The following KIF21B variants were observed in gnomAD, a reference collection of about 807,000 sequenced individuals.
KIF21B encodes kinesin-like protein KIF21B.
KIF21B carries 85 observed loss-of-function variants against 192.9 expected under a neutral mutation model. That is an observed-to-expected ratio of 0.44 (90% CI 0.37 to 0.53). KIF21B has a LOEUF of 0.53. Among genes scored for constraint, KIF21B ranks in the 20% least tolerant of loss-of-function variants. The pLI, the probability that KIF21B is intolerant of heterozygous loss-of-function variation, is 0.00. For synonymous variants in KIF21B, 832 were observed against 884.6 expected, an observed-to-expected ratio of 0.94 and a Z score of 1.05; for missense variants, 1,716 against 2,194.8, an observed-to-expected ratio of 0.78 and a Z score of 4.36.
At position 200,998,553 on chromosome 1, in the gene KIF21B, C is replaced by A; in HGVS notation, c.1908G>T (p.Leu636=). The part of the protein sequence containing the change: ...EEKEVNFQAD[L]ADLTCEIEIK... The stretch of plus-strand genomic sequence containing the variant: ...TTTCGATCTCACAAGTCAGGTCGGC[C>A]AGGTCCGCCTGGAAGTTCACCTCTA... Residue 636 remains leucine, a synonymous_variant, in exon 14 of 35, where the codon CTG becomes CTT. Transcript: ENST00000461742. The surrounding 1 kb of genome is among the most constrained non-coding windows in gnomAD (Gnocchi z 4.3). The A allele has an allele frequency of 1.9e-6, 3 of 1,613,722 alleles. No homozygotes were observed. Among genetic ancestry groups the A allele is most frequent in the Non-Finnish European group, 2.5e-6 (3 of 1,179,988 alleles).
Position 200,986,905 on chromosome 1 carries a change from G to A in KIF21B, c.3628C>T (p.Arg1210Ter). ...GTCAGCGGGGACGTCTCTGTGGCTC[G>A]AGATTGCCTAGGGCTACAACAGAAG... ...TRGSTFPRQS[R>*]ATETSPLTRR... The change falls in exon 26 of 35, where the codon CGA (arginine) becomes TGA (stop). Residue 1210 changes from arginine (R) to a stop codon, truncating the protein, a stop_gained. Transcript: ENST00000461742. LOFTEE classifies it high-confidence loss of function. 5 of 1,613,762 alleles carry A rather than the reference G, an allele frequency of 3.1e-6. No individual in the cohort carries two copies. Among genetic ancestry groups the A allele is most frequent in the Non-Finnish European group, 4.2e-6 (5 of 1,179,826 alleles).
chr1:201,013,831 C>T (rs904121246), intron 1 of KIF21B, among the ~76,000 whole-genome samples: 1 of 152,210 alleles, frequency 6.6e-6, no homozygotes, highest in African/African-American at 2.4e-5. Context: ...AATTGTGGCC[C>T]ACGGGCCAGC....
At position 200,971,874 on chromosome 1, in the gene KIF21B, G is replaced by C. The variant is rs976034743; in HGVS notation, c.*1647C>G. 2.0e-5 allele frequency: 3 copies of C among 152,466 alleles called. No homozygotes were observed. The highest frequency in any genetic ancestry group is 7.2e-5 in the African/African-American group (3 of 41,450). The allele number at this position is 152,466 out of a possible 1,614,324, so 9.4% of individuals were successfully genotyped here. A position where few individuals can be genotyped will look rare whatever the true frequency, so the allele number is the denominator to read the frequency against. On this transcript the variant is annotated 3_prime_UTR_variant, in exon 35 of 35. Transcript: ENST00000461742. Reference sequence around the variant, plus strand: ...CCCAACACTGGGCGCCACATGGAGAGGGCTCCAAGTGCCCCAGCCCAAGAC... The same window carrying C: ...CCCAACACTGGGCGCCACATGGAGACGGCTCCAAGTGCCCCAGCCCAAGAC...
intron 14 of KIF21B, among the ~76,000 whole-genome samples, chr1:200,997,466 C>A (rs1156787778): frequency 6.6e-6 from 1 of 152,188 alleles, no homozygotes; most frequent in Non-Finnish European, 1.5e-5. Context: ...CCAATTCGGC[C>A]AGGCACGGTG....
rs1227996568 is a variant in KIF21B at position 200,972,093 on chromosome 1, C to G, written c.*1428G>C. The G allele has an allele frequency of 6.6e-6, 1 of 150,924 alleles. No individual in the cohort carries two copies. Among genetic ancestry groups the G allele is most frequent in the African/African-American group, 2.4e-5 (1 of 41,120 alleles). The allele number at this position is 150,924 out of a possible 1,614,324, so 9.3% of individuals were successfully genotyped here. On this transcript the variant is annotated 3_prime_UTR_variant, in exon 35 of 35. Transcript: ENST00000461742. ...CGGGGGAGAGGGATGGAGCTCAGTCCCCCCCAAGGCCCACTCCTGTAATTC... is the reference window on the plus strand; with the variant it reads ...CGGGGGAGAGGGATGGAGCTCAGTCGCCCCCAAGGCCCACTCCTGTAATTC...
chr1:200,973,641 C>T, intron 34 of KIF21B, 63 bp from the exon 35 acceptor site: 3 of 1,517,912 alleles, frequency 2.0e-6, no homozygotes, highest in Non-Finnish European at 2.6e-6. Flanking sequence ...GGCTGGCTGC[C>T]CCCAAAAGTA....
In KIF21B at chr1:200,999,565, T is replaced by TGGGG; in HGVS notation, c.1768-103_1768-100dup. ...CAATGCCTCAGGTGTGTCAGGAGGG[T>TGGGG]GGGGATTGGGGCAGGCCACAGCTGA... is the stretch of plus-strand genomic sequence containing the variant. On this transcript the variant is annotated intron_variant, in intron 12 of 34. Transcript: ENST00000461742. The surrounding 1 kb of genome is among the most constrained non-coding windows in gnomAD (Gnocchi z 4.7). 6.4e-7 allele frequency: 1 copy of TGGGG among 1,551,046 alleles called. No individual in the cohort carries two copies. The highest frequency in any genetic ancestry group is 8.7e-7 in the Non-Finnish European group (1 of 1,150,858).
chr1:201,005,063 C>T (rs1657724724), intron 5 of KIF21B, 130 bp from the exon 6 acceptor site: 6 of 1,106,626 alleles, frequency 5.4e-6, no homozygotes, highest in Middle Eastern at 5.7e-4. Flanking sequence ...TGCAGAGCAT[C>T]TGACAATGTG....
intron 30 of KIF21B, 51 bp downstream of exon 30, chr1:200,979,484 C>G: frequency 6.9e-7 from 1 of 1,445,558 alleles, no homozygotes; most frequent in African/African-American, 1.4e-5. Context: ...CATCTGTACC[C>G]AACACAGCCT....
chr1:200,979,225 C>T (rs1486903294), intron 30 of KIF21B, among the ~76,000 whole-genome samples: 2 of 152,102 alleles, frequency 1.3e-5, no homozygotes, highest in African/African-American at 4.8e-5. Flanking sequence ...ACCCTGTTTC[C>T]TAGCTCCTCT....
chr1:201,004,677 G>A, intron 6 of KIF21B, 89 bp downstream of exon 6: 7 of 1,494,538 alleles, frequency 4.7e-6, no homozygotes, highest in Non-Finnish European at 6.5e-6. Flanking sequence ...GTCCAAGGAG[G>A]ACTCAGCAGG....
chr1:200,975,002 C>T lies in KIF21B; in HGVS notation c.4615-89G>A. On this transcript the variant is annotated intron_variant, in intron 33 of 34. Transcript: ENST00000461742. The surrounding 1 kb of genome is among the most constrained non-coding windows in gnomAD (Gnocchi z 4.3). ...GCCCCTCTTGCTAGTAGTGGAGCTA[C>T]TTCCAGGCTCCCCTGGCCTCTAGAG... is the stretch of plus-strand genomic sequence containing the variant. 1.5e-6 allele frequency: 2 copies of T among 1,335,958 alleles called. No homozygotes were observed. Among genetic ancestry groups the T allele is most frequent in the Non-Finnish European group, 1.0e-6 (1 of 955,568 alleles). 82.8% of individuals were successfully genotyped at this position (1,335,958 alleles called of 1,614,324 possible).
chr1:200,973,768 C>T, intron 34 of KIF21B, 190 bp from the exon 35 acceptor site: 3 of 1,450,476 alleles, frequency 2.1e-6, no homozygotes, highest in Non-Finnish European at 1.8e-6. Flanking sequence ...GAGGCCTGTG[C>T]ACTCAGAGGC....
At chr1:201,016,600 CAT>C (rs1658518849) in intron 1 of KIF21B, among the ~76,000 whole-genome samples, 1 of 152,204 alleles carries the variant, frequency 6.6e-6, no homozygotes, top group Non-Finnish European at 1.5e-5. Flanking sequence ...AGCATCTTCC[CAT>C]AGAGACCAGT....
intron 2 of KIF21B, 24 bp from the exon 3 acceptor site, chr1:201,008,975 T>C (rs1571963433): frequency 2.5e-6 from 4 of 1,594,690 alleles, no homozygotes; most frequent in Non-Finnish European, 3.4e-6. Context: ...GATAGGAGGG[T>C]GTAACCCTGC....
At chr1:200,973,695 C>A (rs1655347483) in intron 34 of KIF21B, 117 bp from the exon 35 acceptor site, 13 of 1,501,422 alleles carry the variant, frequency 8.7e-6, no homozygotes, top group Non-Finnish European at 1.1e-5. Flanking sequence ...GTGGTTGGGG[C>A]TGGGAGGCAA....
chr1:201,014,205 G>A lies in KIF21B; in HGVS notation c.42-4717C>T, dbSNP rs551494730. Among the ~76,000 whole-genome samples, 7 of 152,368 alleles carry A rather than the reference G, an allele frequency of 4.6e-5. No homozygotes were observed. The East Asian group carries it at 1.3e-3, about 29-fold the overall frequency. The stretch of plus-strand genomic sequence containing the variant: ...AGGAGCGGGTGTGATGTGGGAAGCC[G>A]TCCTCCACCCCCGGAGAAACGCGCA... On this transcript the variant is annotated intron_variant, in intron 1 of 34. Transcript: ENST00000461742.
In KIF21B at chr1:201,008,835, G is replaced by C. The variant is rs1475227226; in HGVS notation, c.381C>G (p.Arg127=). 6.2e-7 allele frequency: 1 copy of C among 1,608,762 alleles called. No homozygotes were observed. Among genetic ancestry groups the C allele is most frequent in the Admixed American group, 1.7e-5 (1 of 60,010 alleles). The change falls in exon 3 of 35, where the codon CGC becomes CGG. Residue 127 remains arginine, a synonymous_variant. Coordinates refer to ENST00000461742, the MANE Select transcript of KIF21B (RefSeq NM_001252102.2). ...IAHLFGGIAE[R]KRRAQEQGVA... ...CGCCCTGCTCCTGTGCCCGGCGCTT[G>C]CGCTCGGCAATGCCCCCAAAGAGGT...
intron 3 of KIF21B, among the ~76,000 whole-genome samples, chr1:201,007,611 TAC>T (rs1352802598): frequency 8.7e-5 from 7 of 80,388 alleles, no homozygotes; most frequent in African/African-American, 2.6e-4. Context: ...CACACAGAGA[TAC>T]ACACACACAG....
Sources: allele counts gnomAD v4.1 joint callset (sites outside exome capture counted in the v4.1 genomes callset), GRCh38; gene constraint gnomAD v4.1.1; non-coding constraint Gnocchi (gnomAD v3.1); transcripts MANE v1.5; gene names NCBI Gene and HGNC (gene_info 2026-07-23, HGNC 2026-07-21).